The following DYNLRB1 variants were observed in gnomAD, a reference collection of about 807,000 sequenced individuals.
DYNLRB1 encodes the protein dynein light chain roadblock-type 1.
Under a neutral mutation model 13.5 loss-of-function variants are expected in DYNLRB1, and 6 were observed. That is an observed-to-expected ratio of 0.44 (90% CI 0.24 to 0.88). The LOEUF is 0.88. Among genes scored for constraint, DYNLRB1 ranks in the 40% least tolerant of loss-of-function variants. The probability of loss-of-function intolerance (pLI) is 0.21; values close to 1 mark genes in which losing one functional copy is unlikely to be tolerated. For missense variants in DYNLRB1, 93 were observed against 127.2 expected (o/e 0.73, Z 1.29); for synonymous variants, 43 against 45.0 (o/e 0.96, Z 0.18).
intron 1 of DYNLRB1, among the ~76,000 whole-genome samples, chr20:34,525,882 G>A (rs1254133754): frequency 6.6e-6 from 1 of 152,200 alleles, no homozygotes; most frequent in Non-Finnish European, 1.5e-5. Context: ...TTGTCTTCCT[G>A]TTAGATACTA....
chr20:34,538,384 C>T lies in DYNLRB1; in HGVS notation c.248-2197C>T, dbSNP rs1187723442. On this transcript the variant is annotated intron_variant, in intron 3 of 3. Coordinates refer to ENST00000357156, the MANE Select transcript of DYNLRB1 (RefSeq NM_014183.4). ...CCTGGGCAGTTGAGGCTGCAGTGAG[C>T]CATGATCACGCCACTGCACTCCAGC... Among the ~76,000 whole-genome samples, 7 of 152,052 alleles carry T rather than the reference C, an allele frequency of 4.6e-5. No homozygotes were observed. In the East Asian group the frequency reaches 1.4e-3, roughly 30 times the overall value.
At chr20:34,532,574 G>A (rs1362155275) in intron 2 of DYNLRB1, among the ~76,000 whole-genome samples, 8 of 152,194 alleles carry the variant, frequency 5.3e-5, no homozygotes, top group Admixed American at 5.2e-4. Flanking sequence ...CCCCATCGTG[G>A]TTAGATTATA....
chr20:34,532,724 G>A (rs933082588), intron 2 of DYNLRB1, among the ~76,000 whole-genome samples: 1 of 152,188 alleles, frequency 6.6e-6, no homozygotes, highest in African/African-American at 2.4e-5. Context: ...TTACAGACAA[G>A]TGATGACTGC....
Position 34,540,638 on chromosome 20 carries a change from C to A in DYNLRB1, c.*14C>A. On this transcript the variant is annotated 3_prime_UTR_variant, in exon 4 of 4. Coordinates refer to ENST00000357156, the MANE Select transcript of DYNLRB1 (RefSeq NM_014183.4). Reference sequence around the variant, plus strand: ...CCAACCGAATAAGCCACTCTCTTGGCTCCCTGTGTCATTCCTTAATTTAAT... The same window carrying A: ...CCAACCGAATAAGCCACTCTCTTGGATCCCTGTGTCATTCCTTAATTTAAT... The A allele has an allele frequency of 6.2e-7, 1 of 1,613,224 alleles. No homozygotes were observed. The highest frequency in any genetic ancestry group is 8.5e-7 in the Non-Finnish European group (1 of 1,179,370).
At chr20:34,516,171 A>G (rs1220917852), upstream of DYNLRB1, among the ~76,000 whole-genome samples, 1 of 152,248 alleles carries the variant, frequency 6.6e-6, no homozygotes. Context: ...CTGGAATTAC[A>G]GGCGTAAGCC....
At chr20:34,526,488 T>A in intron 2 of DYNLRB1, 145 bp downstream of exon 2, 16 of 530,162 alleles carry the variant, frequency 3.0e-5, no homozygotes, top group East Asian at 6.9e-5. Flanking sequence ...CAGTGTTCTT[T>A]TTTTTTTTTT....
chr20:34,528,508 G>T (rs995844631), intron 2 of DYNLRB1, among the ~76,000 whole-genome samples: 3 of 152,070 alleles, frequency 2.0e-5, no homozygotes, highest in Admixed American at 6.6e-5. Flanking sequence ...ACCACAGGCC[G>T]CAGAGTCAGG....
In DYNLRB1 at chr20:34,540,762, C is replaced by T. The variant is rs543744559; in HGVS notation, c.*138C>T. On this transcript the variant is annotated 3_prime_UTR_variant, in exon 4 of 4. Transcript: ENST00000357156. ...AATCCAGTGACCGTGTGTGGGCTGG[C>T]GGCTCTTCTCCCCCACCAACGGAAC... 19 of 839,940 alleles carry T rather than the reference C, an allele frequency of 2.3e-5. No individual in the cohort carries two copies. The highest frequency in any genetic ancestry group is 7.0e-5 in the African/African-American group (4 of 57,394). 52.0% of individuals were successfully genotyped at this position (839,940 alleles called of 1,614,324 possible).
At chr20:34,520,676 T>C (rs1979641264) in intron 1 of DYNLRB1, among the ~76,000 whole-genome samples, 1 of 152,070 alleles carries the variant, frequency 6.6e-6, no homozygotes, top group Non-Finnish European at 1.5e-5. Flanking sequence ...CTCAAACTCC[T>C]GACCTCAGGT....
chr20:34,532,786 C>T (rs1176433673), intron 2 of DYNLRB1, among the ~76,000 whole-genome samples: 1 of 152,190 alleles, frequency 6.6e-6, no homozygotes, highest in African/African-American at 2.4e-5. Context: ...GACTCACCTG[C>T]TTCTTTTGCC....
intron 1 of DYNLRB1, 101 bp from the exon 2 acceptor site, chr20:34,526,167 G>T: frequency 7.6e-7 from 1 of 1,321,484 alleles, no homozygotes; most frequent in Non-Finnish European, 1.1e-6. Context: ...AGTATTACTT[G>T]TTTGTTGTTG....
intron 3 of DYNLRB1, among the ~76,000 whole-genome samples, chr20:34,539,864 G>A (rs1981444008): frequency 1.3e-5 from 2 of 152,056 alleles, no homozygotes; most frequent in Non-Finnish European, 2.9e-5. Flanking sequence ...CAGCTACATG[G>A]GAGGCTGAGG....
chr20:34,516,855 C>T (rs757226366), intron 1 of DYNLRB1: 152 of 1,540,458 alleles, frequency 9.9e-5, no homozygotes, highest in Non-Finnish European at 1.3e-4. Context: ...GTATTTCCTC[C>T]GCCTCCTCCC....
rs200438232 is a variant in DYNLRB1, at chr20:34,526,239, C to G, written c.4-29C>G. The G allele has an allele frequency of 1.9e-5, 30 of 1,613,782 alleles. No homozygotes were observed. The East Asian group carries it at 6.0e-4, about 32-fold the overall frequency. ...GGAAGTTAATCCTGCCTATCGGCCT[C>G]TCCTAACCTTGGTCTTGTTTTCTGG... On this transcript the variant is annotated intron_variant, in intron 1 of 3. Coordinates refer to ENST00000357156, the MANE Select transcript of DYNLRB1 (RefSeq NM_014183.4).
chr20:34,525,426 A>G (rs1256036137), intron 1 of DYNLRB1, among the ~76,000 whole-genome samples: 2 of 152,222 alleles, frequency 1.3e-5, no homozygotes, highest in Non-Finnish European at 2.9e-5. Flanking sequence ...TGCATGTCCC[A>G]GAGAGGCACA....
intron 2 of DYNLRB1, 142 bp downstream of exon 2, chr20:34,526,485 C>CTTTTTTT (rs386393667): frequency 1.7e-4 from 40 of 238,926 alleles, no homozygotes; most frequent in Admixed American, 2.3e-4. Context: ...CTCCAGTGTT[C>CTTTTTTT]TTTTTTTTTT....
chr20:34,516,609 A>C, intron 1 of DYNLRB1, 148 bp downstream of exon 1: 1 of 1,510,804 alleles, frequency 6.6e-7, no homozygotes, highest in Non-Finnish European at 8.8e-7. Flanking sequence ...AGCCGACTTG[A>C]GGGTGGAACC....
At chr20:34,522,557 C>G (rs879766303) in intron 1 of DYNLRB1, among the ~76,000 whole-genome samples, 1 of 147,384 alleles carries the variant, frequency 6.8e-6, no homozygotes, top group African/African-American at 2.5e-5. Context: ...ACTGCAGCCT[C>G]GGCCTCCTGG....
In DYNLRB1 at chr20:34,534,661, C is replaced by T. The variant is rs2146647645; in HGVS notation, c.113C>T (p.Thr38Ile). The T allele has an allele frequency of 6.3e-7, 1 of 1,585,726 alleles. No individual in the cohort carries two copies. The highest frequency in any genetic ancestry group is 1.2e-5 in the South Asian group (1 of 84,564). ...IPIKSTMDNP[T>I]TTQYASLMHS... Reference sequence around the variant, plus strand: ...ATCAAGAGCACCATGGACAACCCCACCACCACCCAGTATGCCAGCCTCATG... The same window carrying T: ...ATCAAGAGCACCATGGACAACCCCATCACCACCCAGTATGCCAGCCTCATG... Residue 38 changes from threonine (T) to isoleucine (I), a missense_variant, in exon 3 of 4, where the codon ACC becomes ATC. Transcript: ENST00000357156.
Sources: allele counts gnomAD v4.1 joint callset (sites outside exome capture counted in the v4.1 genomes callset), GRCh38; gene constraint gnomAD v4.1.1; transcripts MANE v1.5; gene names NCBI Gene and HGNC (gene_info 2026-07-23, HGNC 2026-07-21).